CCNJL: variants seen among roughly 807,000 people sequenced by gnomAD.
CCNJL encodes cyclin J like, also known as cyclin-J-like protein.
CCNJL carries 33 observed loss-of-function variants against 33.4 expected under a neutral mutation model. The ratio of observed to expected loss-of-function variants is 0.99; its 90% CI spans 0.75 to 1.32. The LOEUF (loss-of-function observed/expected upper bound fraction) is 1.32, where lower values mean the gene tolerates loss of function less well. Ranked by LOEUF, CCNJL falls within the 40% of genes most tolerant of loss-of-function variation. CCNJL has a pLI of 0.00. For synonymous variants in CCNJL, 227 were observed against 220.9 expected (o/e 1.03, Z -0.24); for missense variants, 512 against 499.7 (o/e 1.02, Z -0.23).
intron 1 of CCNJL, among the ~76,000 whole-genome samples, chr5:160,331,890 T>A (rs940370030): frequency 2.0e-5 from 3 of 152,198 alleles, no homozygotes; most frequent in Non-Finnish European, 4.4e-5. Flanking sequence ...ATCAGCATCA[T>A]CTGGGAACTT....
chr5:160,320,499 C>T (rs186714504), intron 1 of CCNJL, among the ~76,000 whole-genome samples: 45 of 152,300 alleles, frequency 3.0e-4, no homozygotes, highest in Admixed American at 5.2e-4. Context: ...GAGAAGTATT[C>T]CTCTTTATGA....
intron 3 of CCNJL, chr5:160,274,983 G>GGGTA (rs1301443325): frequency 6.6e-6 from 1 of 152,180 alleles, no homozygotes; most frequent in African/African-American, 2.4e-5. Context: ...TTTGTTCACT[G>GGGTA]GGTAGTGTGT....
intron 3 of CCNJL, among the ~76,000 whole-genome samples, chr5:160,276,643 T>C (rs1175551712): frequency 6.6e-6 from 1 of 152,194 alleles, no homozygotes; most frequent in Non-Finnish European, 1.5e-5. Context: ...AAGTGACTGC[T>C]TAATGGGTAC....
At chr5:160,289,092 G>C (rs1316924971) in intron 2 of CCNJL, among the ~76,000 whole-genome samples, 1 of 152,178 alleles carries the variant, frequency 6.6e-6, no homozygotes, top group African/African-American at 2.4e-5. Context: ...CATGTGGGCT[G>C]TTTCTCTTCC....
chr5:160,266,924 T>C (rs952603916), intron 3 of CCNJL, among the ~76,000 whole-genome samples: 33 of 152,144 alleles, frequency 2.2e-4, no homozygotes, highest in African/African-American at 7.5e-4. Context: ...CTGCTGGTGA[T>C]TTCAAGGCTC....
At chr5:160,290,587 A>ATT (rs1419044882) in intron 2 of CCNJL, among the ~76,000 whole-genome samples, 5 of 152,168 alleles carry the variant, frequency 3.3e-5, no homozygotes, top group Non-Finnish European at 2.9e-5. Context: ...CTGCTGAAAA[A>ATT]GGTGTTTCAG....
chr5:160,337,486 A>C (rs1763697360), intron 1 of CCNJL, among the ~76,000 whole-genome samples: 1 of 152,130 alleles, frequency 6.6e-6, no homozygotes, highest in Non-Finnish European at 1.5e-5. Context: ...ATAAAAGCCA[A>C]GTGGTTACCA....
rs553795677 is a variant in CCNJL, at chr5:160,311,858, C to G, written c.66G>C (p.Lys22Asn). The change falls in exon 2 of 6, where the codon AAG becomes AAC. Residue 22 changes from lysine (K) to asparagine (N), a missense_variant and splice_region_variant. Lys to Asn is a moderately conservative substitution (Grantham distance 94). Coordinates refer to ENST00000257536, the MANE Select transcript of CCNJL (RefSeq NM_001308173.3). The part of the protein sequence containing the change: ...ASDVHCTLRE[K>N]ELKLPTFRAH... ...GTGACAAGGGCAGGGAGGGACTGAC[C>G]TTCTCGCGCAGGGTGCAGTGGACGT... 1.2e-6 allele frequency: 2 copies of G among 1,613,978 alleles called. No homozygotes were observed. The highest frequency in any genetic ancestry group is 1.7e-6 in the Non-Finnish European group (2 of 1,179,818).
intron 3 of CCNJL, among the ~76,000 whole-genome samples, chr5:160,279,588 C>G (rs113737001): frequency 6.6e-6 from 1 of 152,302 alleles, no homozygotes; most frequent in East Asian, 1.9e-4. Context: ...GAGACCTCAC[C>G]TGCTGAGGGC....
chr5:160,274,425 C>T (rs1761940702), intron 3 of CCNJL, among the ~76,000 whole-genome samples: 1 of 152,068 alleles, frequency 6.6e-6, no homozygotes. Context: ...TGCCACTGCA[C>T]TCCAGCCTAG....
intron 4 of CCNJL, chr5:160,258,728 C>T (rs1469461893): frequency 6.5e-5 from 44 of 681,096 alleles, no homozygotes; most frequent in East Asian, 1.1e-4. Flanking sequence ...GACAGAGTCT[C>T]GCTCTGTTGC....
At chr5:160,310,698 C>T (rs1197941223) in intron 2 of CCNJL, among the ~76,000 whole-genome samples, 1 of 152,140 alleles carries the variant, frequency 6.6e-6, no homozygotes, top group Non-Finnish European at 1.5e-5. Flanking sequence ...GATGACATCA[C>T]ATTGGATTAG....
intron 1 of CCNJL, among the ~76,000 whole-genome samples, chr5:160,336,299 G>C (rs1159308279): frequency 1.3e-5 from 2 of 152,220 alleles, no homozygotes; most frequent in African/African-American, 4.8e-5. Context: ...TAAGGGTCTT[G>C]AGGTGAGAAG....
At chr5:160,258,289 T>C in intron 4 of CCNJL, 1 of 734,968 alleles carries the variant, frequency 1.4e-6, no homozygotes, top group Admixed American at 1.8e-5. Context: ...ATCAGGCAAG[T>C]GGCTGGATGG....
chr5:160,297,189 G>A (rs890493925), intron 2 of CCNJL, among the ~76,000 whole-genome samples: 1 of 152,212 alleles, frequency 6.6e-6, no homozygotes, highest in Admixed American at 6.5e-5. Flanking sequence ...GGGCCTCAGG[G>A]CAGGTTTTGG....
chr5:160,326,875 A>G (rs2113478128), intron 1 of CCNJL: 2 of 689,292 alleles, frequency 2.9e-6, no homozygotes, highest in Non-Finnish European at 5.5e-6. Flanking sequence ...ATTAGATGAT[A>G]CAGAAGAGAT....
At chr5:160,293,261 A>T (rs1762643852) in intron 2 of CCNJL, among the ~76,000 whole-genome samples, 1 of 152,144 alleles carries the variant, frequency 6.6e-6, no homozygotes, top group Non-Finnish European at 1.5e-5. Flanking sequence ...TCTACTACAA[A>T]TACAAAAGGA....
Position 160,255,628 on chromosome 5 carries a change from GAGA to G in CCNJL, c.661_663del (p.Ser221del), listed in dbSNP as rs1761027357. The G allele has an allele frequency of 6.2e-7, 1 of 1,614,078 alleles. No homozygotes were observed. The highest frequency in any genetic ancestry group is 2.2e-5 in the East Asian group (1 of 44,878). On this transcript the variant is annotated inframe_deletion, in exon 5 of 6. Coordinates refer to ENST00000257536, the MANE Select transcript of CCNJL (RefSeq NM_001308173.3). ...CTCTGCAGGTCTCTGGTCCAGTAGGGAGAAAGCTGCAGGCAAATCCTGGAGGCC... is the reference window on the plus strand; with the variant it reads ...CTCTGCAGGTCTCTGGTCCAGTAGGGAAGCTGCAGGCAAATCCTGGAGGCC...
intron 2 of CCNJL, among the ~76,000 whole-genome samples, chr5:160,293,553 G>A (rs1561797502): frequency 6.6e-6 from 1 of 152,176 alleles, no homozygotes; most frequent in Non-Finnish European, 1.5e-5. Flanking sequence ...CTCGGAGAAT[G>A]TACACATGTC....
Sources: gnomAD v4.1 joint callset for allele counts (sites outside exome capture counted in the v4.1 genomes callset) on GRCh38, gnomAD v4.1.1 for gene constraint, MANE v1.5 for transcripts, NCBI Gene and HGNC (gene_info 2026-07-23, HGNC 2026-07-21) for gene names.